Variants in ROBO1 observed in about 807,000 individuals in gnomAD.
The protein encoded by ROBO1 is roundabout guidance receptor 1, also known as roundabout homolog 1.
Under a neutral mutation model 195.9 loss-of-function variants are expected in ROBO1, and 149 were observed. The ratio of observed to expected loss-of-function variants is 0.76; its 90% CI spans 0.67 to 0.87. The LOEUF (loss-of-function observed/expected upper bound fraction) is 0.87. Ranked by LOEUF, ROBO1 falls within the 40% of genes least tolerant of loss-of-function variation. The pLI is 0.00. For synonymous variants in ROBO1, 816 were observed against 733.2 expected, an observed-to-expected ratio of 1.11 and a Z score of -1.82; for missense variants, 1,933 against 2,068.3, an observed-to-expected ratio of 0.93 and a Z score of 1.27.
chr3:79,472,774 C>A (rs1440807789), intron 2 of ROBO1, among the ~76,000 whole-genome samples: 1 of 152,016 alleles, frequency 6.6e-6, no homozygotes, highest in Admixed American at 6.6e-5. Context: ...CCTGGCCAAC[C>A]AAAGCTTCTT....
chr3:78,888,159 C>T (rs1228138515), intron 4 of ROBO1, among the ~76,000 whole-genome samples: 2 of 152,128 alleles, frequency 1.3e-5, no homozygotes, highest in Non-Finnish European at 2.9e-5. Flanking sequence ...TTCATCCTTT[C>T]GAGAATGCAG....
intron 2 of ROBO1, among the ~76,000 whole-genome samples, chr3:79,483,318 G>A (rs1284716530): frequency 6.6e-6 from 1 of 152,176 alleles, no homozygotes; most frequent in African/African-American, 2.4e-5. Flanking sequence ...GTGTTAGAGT[G>A]TACTAATTGT....
chr3:78,629,266 C>G (rs996012306), intron 25 of ROBO1, among the ~76,000 whole-genome samples: 5 of 152,052 alleles, frequency 3.3e-5, no homozygotes, highest in African/African-American at 9.7e-5. Context: ...ATCAGTCTTT[C>G]TCCTTGGGGC....
At chr3:78,976,620 A>G (rs2076890041) in intron 3 of ROBO1, among the ~76,000 whole-genome samples, 1 of 152,228 alleles carries the variant, frequency 6.6e-6, no homozygotes, top group South Asian at 2.1e-4. Context: ...TCTCTACAGC[A>G]GCATTTGCCC....
At chr3:79,328,534 T>G (rs2109159354) in intron 2 of ROBO1, among the ~76,000 whole-genome samples, 1 of 152,290 alleles carries the variant, frequency 6.6e-6, no homozygotes, top group East Asian at 1.9e-4. Context: ...TAAATAAAAC[T>G]CTTGAAAACC....
chr3:78,967,204 G>A (rs887168930), intron 3 of ROBO1, among the ~76,000 whole-genome samples: 2 of 152,066 alleles, frequency 1.3e-5, no homozygotes, highest in Admixed American at 6.6e-5. Context: ...AGGGCCAGAG[G>A]AGCCCTAGAG....
intron 2 of ROBO1, among the ~76,000 whole-genome samples, chr3:79,129,734 C>A (rs2080290267): frequency 2.0e-5 from 3 of 152,252 alleles, no homozygotes; most frequent in Admixed American, 2.0e-4. Flanking sequence ...TTACCTTACA[C>A]ACCCATCATT....
At chr3:79,223,880 A>T (rs1306738682) in intron 2 of ROBO1, among the ~76,000 whole-genome samples, 1 of 152,228 alleles carries the variant, frequency 6.6e-6, no homozygotes, top group East Asian at 1.9e-4. Flanking sequence ...TAGTTAAAGG[A>T]ACATTTTAAA....
At position 79,468,404 on chromosome 3, in the gene ROBO1, A is replaced by G. The variant is rs139618141; in HGVS notation, c.88+121420T>C. 4.6e-4 allele frequency among the ~76,000 whole-genome samples: 70 copies of G among 152,326 alleles called. 1 individual carries two copies. The East Asian group carries it at 7.1e-3, about 16-fold the overall frequency. On this transcript the variant is annotated intron_variant, in intron 2 of 30. Coordinates refer to ENST00000464233, the MANE Select transcript of ROBO1 (RefSeq NM_002941.4). ...AAGTTAAGTGGCTTTTTCAAGTCAC[A>G]TGTCACAACAAGATTTGAACAATCG... is the stretch of plus-strand genomic sequence containing the variant.
chr3:79,170,899 G>A (rs1308376749), intron 2 of ROBO1, among the ~76,000 whole-genome samples: 1 of 151,872 alleles, frequency 6.6e-6, no homozygotes, highest in East Asian at 1.9e-4. Flanking sequence ...CTTTTTAACA[G>A]AGTAATTTAC....
intron 1 of ROBO1, among the ~76,000 whole-genome samples, chr3:79,641,949 G>A (rs890045848): frequency 6.6e-6 from 1 of 152,164 alleles, no homozygotes; most frequent in Non-Finnish European, 1.5e-5. Context: ...AGCCCAGGAG[G>A]TTGAGGCTAA....
At chr3:78,636,324 C>G (rs936491357) in intron 22 of ROBO1, among the ~76,000 whole-genome samples, 8 of 151,966 alleles carry the variant, frequency 5.3e-5, no homozygotes, top group African/African-American at 1.9e-4. Flanking sequence ...TTTGTAGAGA[C>G]TAAATAAATT....
intron 2 of ROBO1, among the ~76,000 whole-genome samples, chr3:79,247,825 T>C (rs1027034140): frequency 2.0e-5 from 3 of 152,000 alleles, no homozygotes; most frequent in Admixed American, 1.3e-4. Context: ...GACACAGTAA[T>C]GAGGCAGAAG....
chr3:79,758,810 A>T (rs1445920067), intron 1 of ROBO1, among the ~76,000 whole-genome samples: 1 of 152,186 alleles, frequency 6.6e-6, no homozygotes, highest in Non-Finnish European at 1.5e-5. Flanking sequence ...TGAAAGGCAG[A>T]GTGCTGAAGA....
chr3:79,749,103 G>A (rs140618088), intron 1 of ROBO1, among the ~76,000 whole-genome samples: 1 of 152,160 alleles, frequency 6.6e-6, no homozygotes, highest in African/African-American at 2.4e-5. Flanking sequence ...GCTGATAGTG[G>A]TACAGACAGT....
At chr3:78,903,155 A>C (rs1183221869) in intron 4 of ROBO1, among the ~76,000 whole-genome samples, 1 of 152,184 alleles carries the variant, frequency 6.6e-6, no homozygotes, top group Non-Finnish European at 1.5e-5. Context: ...TAAAAATGAT[A>C]AATGATATAA....
intron 4 of ROBO1, among the ~76,000 whole-genome samples, chr3:78,795,466 G>A (rs952181772): frequency 6.6e-6 from 1 of 150,528 alleles, no homozygotes; most frequent in African/African-American, 2.4e-5. Context: ...ACAACACTAA[G>A]AAAGGGAACC....
intron 2 of ROBO1, among the ~76,000 whole-genome samples, chr3:79,301,414 C>A (rs2032950250): frequency 6.6e-6 from 1 of 152,194 alleles, no homozygotes; most frequent in Non-Finnish European, 1.5e-5. Context: ...CAGACCACCT[C>A]CTATGAAAAG....
chr3:79,234,764 A>G (rs543699578), intron 2 of ROBO1, among the ~76,000 whole-genome samples: 1 of 152,234 alleles, frequency 6.6e-6, no homozygotes, highest in African/African-American at 2.4e-5. Context: ...AATGGGAACT[A>G]AACATTGGGT....
Sources: gnomAD v4.1 joint callset for allele counts (sites outside exome capture counted in the v4.1 genomes callset) on GRCh38, gnomAD v4.1.1 for gene constraint, MANE v1.5 for transcripts, NCBI Gene and HGNC (gene_info 2026-07-23, HGNC 2026-07-21) for gene names.